Variants in KDM2B observed in about 807,000 individuals in gnomAD.
KDM2B encodes the protein lysine demethylase 2B.
KDM2B carries 26 observed loss-of-function variants against 150.0 expected under a neutral mutation model. That is an observed-to-expected ratio of 0.17 (90% CI 0.13 to 0.24). The LOEUF (loss-of-function observed/expected upper bound fraction) is 0.24. KDM2B is among the 10% of genes least tolerant of loss of function. The probability of loss-of-function intolerance (pLI) is 1.00; values close to 1 mark genes in which losing one functional copy is unlikely to be tolerated. For missense variants in KDM2B, 1,265 were observed against 1,816.9 expected (o/e 0.70, Z 5.52); for synonymous variants, 734 against 729.5 (o/e 1.01, Z -0.10).
chr12:121,512,263 A>T (rs1885654460), intron 10 of KDM2B, among the ~76,000 whole-genome samples: 1 of 152,032 alleles, frequency 6.6e-6, no homozygotes, highest in South Asian at 2.1e-4. Flanking sequence ...ATATCACATC[A>T]TCAGGCGGGA....
chr12:121,536,131 G>A (rs1476836623), intron 6 of KDM2B: 1 of 984,232 alleles, frequency 1.0e-6, no homozygotes, highest in African/African-American at 1.7e-5. Context: ...GAGATAATGC[G>A]GGGAGTGGGG....
chr12:121,446,255 G>A (rs868929390), intron 13 of KDM2B, among the ~76,000 whole-genome samples: 34 of 152,274 alleles, frequency 2.2e-4, no homozygotes, highest in African/African-American at 4.6e-4. Flanking sequence ...GAAATTAGCC[G>A]GGCGTGGTGG....
intron 11 of KDM2B, among the ~76,000 whole-genome samples, chr12:121,498,931 G>A (rs1884244272): frequency 6.6e-6 from 1 of 151,820 alleles, no homozygotes; most frequent in African/African-American, 2.4e-5. Context: ...TCCCACCTCA[G>A]CCTCCCAAGT....
intron 12 of KDM2B, among the ~76,000 whole-genome samples, chr12:121,474,850 G>A (rs1482671786): frequency 1.3e-5 from 2 of 152,192 alleles, no homozygotes; most frequent in Non-Finnish European, 2.9e-5. Flanking sequence ...ACCTGGGGAG[G>A]CCGAGGAAGG....
intron 2 of KDM2B, among the ~76,000 whole-genome samples, 179 bp downstream of exon 2, chr12:121,578,623 T>C (rs1177600470): frequency 6.7e-6 from 1 of 149,536 alleles, no homozygotes; most frequent in Non-Finnish European, 1.5e-5. Flanking sequence ...CCCCCCTTAC[T>C]GCCTGCCCTC....
At chr12:121,574,301 G>A in intron 4 of KDM2B, 1 of 422,584 alleles carries the variant, frequency 2.4e-6, no homozygotes, top group Non-Finnish European at 4.3e-6. Flanking sequence ...ACCCAGGCTG[G>A]AGGCAGCGTC....
upstream of KDM2B, among the ~76,000 whole-genome samples, chr12:121,581,587 AG>A (rs1891966423): frequency 6.6e-6 from 1 of 152,216 alleles, no homozygotes; most frequent in Non-Finnish European, 1.5e-5. Context: ...TTGCGGGTAA[AG>A]ATGCTGATAA....
At chr12:121,512,803 C>T (rs1468997066) in intron 10 of KDM2B, among the ~76,000 whole-genome samples, 4 of 152,224 alleles carry the variant, frequency 2.6e-5, no homozygotes, top group African/African-American at 4.8e-5. Flanking sequence ...CCTCCAGGCC[C>T]GCACCACCTG....
chr12:121,410,383 A>G, the KDM2B span, among the ~76,000 whole-genome samples: 3 of 151,998 alleles, frequency 2.0e-5, no homozygotes, highest in African/African-American at 7.2e-5. Context: ...CTAAAAATAC[A>G]AAAATTAGCC....
intron 12 of KDM2B, among the ~76,000 whole-genome samples, chr12:121,483,390 T>C (rs1263146859): frequency 6.7e-6 from 1 of 149,952 alleles, no homozygotes; most frequent in African/African-American, 2.5e-5. Flanking sequence ...TTAGGCCCTA[T>C]GGCCAGGTGC....
chr12:121,547,888 G>A (rs1312795467), intron 6 of KDM2B, among the ~76,000 whole-genome samples: 3 of 151,796 alleles, frequency 2.0e-5, no homozygotes, highest in Admixed American at 1.3e-4. Flanking sequence ...TGATCTGCCC[G>A]CCTCAGCCTC....
At position 121,575,965 on chromosome 12, in the gene KDM2B, G is replaced by A. The variant is rs879979133; in HGVS notation, c.272-106C>T. ...AAACTGATGGACGAAGGGGCAGGGG[G>A]TCCAGGAGATGCAGGCACCAGCTGT... is the stretch of plus-strand genomic sequence containing the variant. On this transcript the variant is annotated intron_variant, in intron 2 of 22. Transcript: ENST00000377071. This position sits in a 1 kb window ranked among gnomAD's most constrained non-coding sequence, Gnocchi z 4.4. The A allele has an allele frequency of 3.7e-6, 3 of 801,968 alleles. No individual in the cohort carries two copies. Among genetic ancestry groups the A allele is most frequent in the African/African-American group, 3.4e-5 (2 of 59,164 alleles). The allele number at this position is 801,968 out of a possible 1,614,324, so 49.7% of individuals were successfully genotyped here. A position where few individuals can be genotyped will look rare whatever the true frequency, so the allele number is the denominator to read the frequency against.
intron 6 of KDM2B, among the ~76,000 whole-genome samples, chr12:121,541,623 C>T (rs1888622169): frequency 6.6e-6 from 1 of 150,834 alleles, no homozygotes; most frequent in African/African-American, 2.5e-5. Flanking sequence ...GTGTCAGGTT[C>T]TCACTCCCCC....
intron 12 of KDM2B, among the ~76,000 whole-genome samples, chr12:121,485,135 C>A (rs1882619642): frequency 6.6e-6 from 1 of 152,088 alleles, no homozygotes; most frequent in African/African-American, 2.4e-5. Context: ...GGACTTCTGG[C>A]CTCCAGAACT....
At chr12:121,525,100 A>T (rs1184319513) in intron 8 of KDM2B, among the ~76,000 whole-genome samples, 1 of 152,152 alleles carries the variant, frequency 6.6e-6, no homozygotes, top group Non-Finnish European at 1.5e-5. Flanking sequence ...TCTTTCACCG[A>T]CATCAGTGAA....
At position 121,442,677 on chromosome 12, in the gene KDM2B, C is replaced by T. The variant is rs1281024588; in HGVS notation, c.2764G>A (p.Glu922Lys). 3 of 1,605,398 alleles carry T rather than the reference C, an allele frequency of 1.9e-6. No homozygotes were observed. The highest frequency in any genetic ancestry group is 1.3e-5 in the African/African-American group (1 of 74,832). Reference sequence around the variant, plus strand: ...TTCTCCTCCGGGCCCTCGGCCCCTTCGGTGCTGGGTCCCGCGGTGGGGGAG... The same window carrying T: ...TTCTCCTCCGGGCCCTCGGCCCCTTTGGTGCTGGGTCCCGCGGTGGGGGAG... ...SSSPTAGPST[E>K]GAEGPEEKKK... Residue 922 changes from glutamate to lysine, a missense_variant, in exon 19 of 23, where the codon GAA becomes AAA. This residue lies in a region of KDM2B where 418 missense variants were observed against 402.4 expected (regional missense o/e 1.04). Transcript: ENST00000377071. The surrounding 1 kb of genome is among the most constrained non-coding windows in gnomAD (Gnocchi z 7.7).
Position 121,580,856 on chromosome 12 carries a change from T to C in KDM2B, c.56A>G (p.His19Arg), listed in dbSNP as rs191586330. Residue 19 changes from histidine to arginine, a missense_variant, in exon 1 of 23, where the codon CAT (histidine) becomes CGT (arginine). This residue lies in a region of KDM2B where 53 missense variants were observed against 56.0 expected (regional missense o/e 0.95). Transcript: ENST00000377071. ...TTTCTTTTTTTGCTTTTCTGCTGCA[T>C]GTCTTTTTCGTGGGGGGTGATCCTC... Reference protein sequence around the residue: ...SAEDHPPRKRHAAEKQKKKTV... With the variant: ...SAEDHPPRKRRAAEKQKKKTV... 7.2e-3 allele frequency: 11,681 copies of C among 1,614,140 alleles called. 60 individuals carry two copies. The highest frequency in any genetic ancestry group is 8.7e-3 in the Non-Finnish European group (10,256 of 1,179,968).
At chr12:121,450,729 G>A (rs1234127141) in intron 13 of KDM2B, among the ~76,000 whole-genome samples, 12 of 152,050 alleles carry the variant, frequency 7.9e-5, no homozygotes, top group Non-Finnish European at 1.3e-4. Context: ...GCGTGGTGGC[G>A]GGCACTGGTA....
At chr12:121,581,944 T>C (rs28397246), upstream of KDM2B, among the ~76,000 whole-genome samples, 36,904 of 152,110 alleles carry the variant, frequency 0.24, 4,931 homozygotes, top group East Asian at 0.38. Flanking sequence ...CAAAGGCTAC[T>C]CTTTGAAGTT....
Sources: allele counts gnomAD v4.1 joint callset (sites outside exome capture counted in the v4.1 genomes callset), GRCh38; gene constraint gnomAD v4.1.1; regional missense constraint gnomAD v4.1.1; non-coding constraint Gnocchi (gnomAD v3.1); transcripts MANE v1.5; gene names NCBI Gene and HGNC (gene_info 2026-07-23, HGNC 2026-07-21).